The following TCERG1L variants were observed in gnomAD, a reference collection of about 807,000 sequenced individuals.
The protein encoded by TCERG1L is transcription elongation regulator 1 like.
TCERG1L carries 37 observed loss-of-function variants against 56.3 expected under a neutral mutation model. The observed-to-expected ratio is 0.66, with a 90% CI of 0.51 to 0.87. TCERG1L has a LOEUF of 0.87. TCERG1L is among the 40% of genes least tolerant of loss of function. The probability of loss-of-function intolerance (pLI) is 0.00; values close to 1 mark genes in which losing one functional copy is unlikely to be tolerated. For synonymous variants in TCERG1L, 324 were observed against 326.3 expected, an observed-to-expected ratio of 0.99 and a Z score of 0.08; for missense variants, 799 against 774.2, an observed-to-expected ratio of 1.03 and a Z score of -0.38.
At chr10:131,158,028 T>C (rs1170150158) in intron 6 of TCERG1L, among the ~76,000 whole-genome samples, 1 of 152,238 alleles carries the variant, frequency 6.6e-6, no homozygotes, top group African/African-American at 2.4e-5. Flanking sequence ...CTCAAGTGCT[T>C]AGTATTACAT....
chr10:131,299,057 T>C (rs1846729496), intron 3 of TCERG1L, among the ~76,000 whole-genome samples: 1 of 152,230 alleles, frequency 6.6e-6, no homozygotes, highest in Non-Finnish European at 1.5e-5. Flanking sequence ...ATTAAATGTA[T>C]TTGATTAGAT....
intron 4 of TCERG1L, among the ~76,000 whole-genome samples, chr10:131,233,081 C>T (rs1845869471): frequency 1.3e-5 from 2 of 152,162 alleles, no homozygotes; most frequent in African/African-American, 2.4e-5. Flanking sequence ...GTTGGTCAGA[C>T]GATGTTAGCG....
intron 4 of TCERG1L, among the ~76,000 whole-genome samples, chr10:131,168,665 A>G (rs1038496186): frequency 2.0e-5 from 3 of 151,920 alleles, no homozygotes; most frequent in Non-Finnish European, 4.4e-5. Flanking sequence ...CACCTCTTTC[A>G]CTCTGCACAG....
chr10:131,198,155 G>A (rs1845388103), intron 4 of TCERG1L, among the ~76,000 whole-genome samples: 1 of 152,322 alleles, frequency 6.6e-6, no homozygotes, highest in South Asian at 2.1e-4. Flanking sequence ...TGGGCATCCT[G>A]GTATGTTCTA....
At chr10:131,206,133 A>G (rs1845522796) in intron 4 of TCERG1L, among the ~76,000 whole-genome samples, 1 of 152,222 alleles carries the variant, frequency 6.6e-6, no homozygotes, top group African/African-American at 2.4e-5. Context: ...CTGGAATAAG[A>G]AGTACAGGCG....
At chr10:131,168,922 G>A (rs763980254) in intron 4 of TCERG1L, among the ~76,000 whole-genome samples, 10 of 152,324 alleles carry the variant, frequency 6.6e-5, no homozygotes, top group Admixed American at 3.3e-4. Flanking sequence ...TGACAGCTGC[G>A]TGCACAGGTC....
At chr10:131,157,044 T>C (rs993306156) in intron 6 of TCERG1L, among the ~76,000 whole-genome samples, 7 of 152,246 alleles carry the variant, frequency 4.6e-5, no homozygotes. Flanking sequence ...CCCTGGCTTC[T>C]GGGCTAGGCA....
chr10:131,219,418 C>A (rs1337954401), intron 4 of TCERG1L, among the ~76,000 whole-genome samples: 3 of 152,232 alleles, frequency 2.0e-5, no homozygotes, highest in Non-Finnish European at 2.9e-5. Context: ...TGTGCTCTTG[C>A]CCCCAGGCCA....
At chr10:131,251,753 C>T (rs1001380996) in intron 4 of TCERG1L, among the ~76,000 whole-genome samples, 4 of 152,194 alleles carry the variant, frequency 2.6e-5, no homozygotes, top group Non-Finnish European at 5.9e-5. Context: ...GCCTCCTTTT[C>T]TTATTGTTTT....
chr10:131,101,551 G>A (rs570289339), intron 10 of TCERG1L, among the ~76,000 whole-genome samples: 4 of 152,174 alleles, frequency 2.6e-5, no homozygotes, highest in African/African-American at 9.6e-5. Context: ...CAACCCACAC[G>A]CCACACACAG....
At chr10:131,181,670 C>T (rs540133790) in intron 4 of TCERG1L, among the ~76,000 whole-genome samples, 3 of 152,218 alleles carry the variant, frequency 2.0e-5, no homozygotes, top group Non-Finnish European at 2.9e-5. Context: ...AACCCTGGCC[C>T]GGAGGAGACC....
chr10:131,149,450 A>G (rs1845839916), intron 6 of TCERG1L, among the ~76,000 whole-genome samples: 1 of 152,210 alleles, frequency 6.6e-6, no homozygotes, highest in Non-Finnish European at 1.5e-5. Context: ...GAACCCGGCT[A>G]GCATAGGAAG....
At chr10:131,146,702 AC>A (rs766079107) in intron 6 of TCERG1L, 42 bp from the exon 7 acceptor site, 4 of 1,569,072 alleles carry the variant, frequency 2.5e-6, no homozygotes, top group Non-Finnish European at 3.5e-6. Context: ...TCTCGGAGAC[AC>A]TTAATTAGAA....
chr10:131,254,433 C>T (rs541971434), intron 4 of TCERG1L, among the ~76,000 whole-genome samples: 78 of 152,120 alleles, frequency 5.1e-4, no homozygotes, highest in Admixed American at 1.8e-3. Flanking sequence ...ATCTTCCAGC[C>T]GCAGCCTCCG....
At chr10:131,132,564 C>A (rs1845629374) in intron 8 of TCERG1L, among the ~76,000 whole-genome samples, 1 of 152,218 alleles carries the variant, frequency 6.6e-6, no homozygotes, top group African/African-American at 2.4e-5. Flanking sequence ...AAATCATGGC[C>A]ACATTCCACG....
At chr10:131,143,488 A>G (rs1845760318) in intron 7 of TCERG1L, among the ~76,000 whole-genome samples, 1 of 152,140 alleles carries the variant, frequency 6.6e-6, no homozygotes, top group Admixed American at 6.5e-5. Flanking sequence ...ACCAGGCTGC[A>G]CCAAATGTCC....
chr10:131,254,474 C>T (rs564451396), intron 4 of TCERG1L, among the ~76,000 whole-genome samples: 12 of 152,216 alleles, frequency 7.9e-5, no homozygotes, highest in Non-Finnish European at 1.3e-4. Flanking sequence ...GGTGCCCCTG[C>T]GCCTGGCTCC....
chr10:131,176,785 C>CA (rs1564808078), intron 4 of TCERG1L, among the ~76,000 whole-genome samples: 1 of 1,838 alleles, frequency 5.4e-4, no homozygotes, highest in African/African-American at 1.1e-3. Flanking sequence ...CATGGACACA[C>CA]AGAGATACAC....
chr10:131,301,021 C>T (rs1234194703), intron 3 of TCERG1L, among the ~76,000 whole-genome samples: 5 of 151,996 alleles, frequency 3.3e-5, no homozygotes, highest in Admixed American at 6.6e-5. Context: ...AAATCTTTTT[C>T]AGTATTTGTA....
Sources: gnomAD v4.1 joint callset for allele counts (sites outside exome capture counted in the v4.1 genomes callset) on GRCh38, gnomAD v4.1.1 for gene constraint, MANE v1.5 for transcripts, NCBI Gene and HGNC (gene_info 2026-07-23, HGNC 2026-07-21) for gene names.